ATAD2: variants seen among roughly 807,000 people sequenced by gnomAD.
ATAD2 encodes the protein ATPase family AAA domain containing 2, also known as ATPase family AAA domain-containing protein 2.
Under a neutral mutation model 168.9 loss-of-function variants are expected in ATAD2, and 62 were observed. The observed-to-expected ratio is 0.37, with a 90% CI of 0.30 to 0.45. The LOEUF is 0.45. Among genes scored for constraint, ATAD2 ranks in the 20% least tolerant of loss-of-function variants. The pLI, the probability that ATAD2 is intolerant of heterozygous loss-of-function variation, is 1.00. For synonymous variants in ATAD2, 613 were observed against 571.6 expected (o/e 1.07, Z -1.03); for missense variants, 1,419 against 1,667.8 (o/e 0.85, Z 2.60).
intron 1 of ATAD2, among the ~76,000 whole-genome samples, chr8:123,404,563 CTCTTT>C (rs1475529649): frequency 8.7e-5 from 13 of 149,040 alleles, no homozygotes; most frequent in African/African-American, 3.3e-4. Flanking sequence ...CACTTTCTCT[CTCTTT>C]TTTTTTTTTT....
chr8:123,410,939 C>G (rs1443010639), intron 1 of ATAD2, among the ~76,000 whole-genome samples: 1 of 152,220 alleles, frequency 6.6e-6, no homozygotes, highest in Non-Finnish European at 1.5e-5. Flanking sequence ...CCTAATCGAG[C>G]TGAACACTAG....
rs373445320 is a variant in ATAD2 at position 123,333,862 on chromosome 8, C to G, written c.3478+16G>C. 157 of 1,573,634 alleles carry G rather than the reference C, an allele frequency of 1.0e-4. No individual in the cohort carries two copies. The highest frequency in any genetic ancestry group is 1.3e-4 in the Non-Finnish European group (153 of 1,160,322). ...AAAGTTATAATTTCATAAATGAAAA[C>G]TACTTGAGTACTTACCAGGAGTGCT... is the stretch of plus-strand genomic sequence containing the variant. On this transcript the variant is annotated intron_variant, in intron 24 of 27. Coordinates refer to ENST00000287394, the MANE Select transcript of ATAD2 (RefSeq NM_014109.4).
rs187195865 is a variant in ATAD2, at chr8:123,377,085, C to G, written c.320+3444G>C. ...CAGCCTGGGCAAAAAGAGTGAGACT[C>G]CGTCTCAAAAAAAAAAAAAAAAAAA... On this transcript the variant is annotated intron_variant, in intron 2 of 27. Transcript: ENST00000287394. 9.1e-4 allele frequency among the ~76,000 whole-genome samples: 3 copies of G among 3,306 alleles called. No individual in the cohort carries two copies. In the East Asian group the frequency reaches 0.06, roughly 66 times the overall value. The allele number at this position is 3,306 out of a possible 152,430, so 2.2% of individuals were successfully genotyped here.
chr8:123,382,276 G>T (rs1829514129), intron 1 of ATAD2, among the ~76,000 whole-genome samples: 1 of 152,052 alleles, frequency 6.6e-6, no homozygotes, highest in Non-Finnish European at 1.5e-5. Flanking sequence ...CAAAATATTT[G>T]GTTGGTTCAC....
intron 1 of ATAD2, among the ~76,000 whole-genome samples, chr8:123,393,601 G>T (rs1700511283): frequency 6.6e-6 from 1 of 152,040 alleles, no homozygotes; most frequent in Admixed American, 6.6e-5. Flanking sequence ...CGGGAAGGAG[G>T]CCAATCAAGA....
intron 10 of ATAD2, 50 bp downstream of exon 10, chr8:123,359,527 A>T: frequency 6.7e-7 from 1 of 1,502,760 alleles, no homozygotes; most frequent in South Asian, 1.2e-5. Context: ...TTTAAAACTA[A>T]AACAAAGCAC....
intron 2 of ATAD2, among the ~76,000 whole-genome samples, chr8:123,376,330 T>C (rs1829307460): frequency 6.6e-6 from 1 of 151,636 alleles, no homozygotes; most frequent in Non-Finnish European, 1.5e-5. Context: ...CTCTTGGACC[T>C]GGGAGGCAGA....
At chr8:123,354,864 A>AAAAAAAAAATATATATAT (rs1554644338) in intron 13 of ATAD2, among the ~76,000 whole-genome samples, 2 of 64,708 alleles carry the variant, frequency 3.1e-5, no homozygotes, top group African/African-American at 1.7e-4. Flanking sequence ...AAAAAAAAAA[A>AAAAAAAAAATATATATAT]ATATATATAT....
intron 1 of ATAD2, among the ~76,000 whole-genome samples, chr8:123,385,356 G>A (rs986870814): frequency 4.6e-5 from 7 of 152,184 alleles, no homozygotes; most frequent in African/African-American, 1.4e-4. Context: ...GTTTGCTCAT[G>A]TTATTATTTT....
chr8:123,413,224 GC>G (rs34824091), intron 1 of ATAD2, among the ~76,000 whole-genome samples: 15,094 of 129,298 alleles, frequency 0.12, 1,015 homozygotes, highest in Middle Eastern at 0.2. Context: ...TCTAATGAGC[GC>G]CCCCCCCCCC....
At chr8:123,362,777 A>G (rs1233809265) in intron 8 of ATAD2, among the ~76,000 whole-genome samples, 1 of 152,162 alleles carries the variant, frequency 6.6e-6, no homozygotes, top group Non-Finnish European at 1.5e-5. Context: ...GGGCATCAAG[A>G]AAGACTTTTT....
rs139466774 is a variant in ATAD2, at chr8:123,346,503, GTTTAA to G, written c.2345+110_2345+114del. 6.0e-3 allele frequency: 6,874 copies of G among 1,137,254 alleles called. 292 individuals are homozygous for G. In the African/African-American group the frequency reaches 0.098, roughly 16 times the overall value. 70.4% of individuals were successfully genotyped at this position (1,137,254 alleles called of 1,614,324 possible). A position where few individuals can be genotyped will look rare whatever the true frequency, so the allele number is the denominator to read the frequency against. ...CTGTAACAACAAAAAATTTCTGGTAGTTTAATTTAAATAAAAAGCAGATTGGTTAG... is the reference window on the plus strand; with the variant it reads ...CTGTAACAACAAAAAATTTCTGGTAGTTTAAATAAAAAGCAGATTGGTTAG... On this transcript the variant is annotated intron_variant, in intron 17 of 27. Coordinates refer to ENST00000287394, the MANE Select transcript of ATAD2 (RefSeq NM_014109.4).
intron 22 of ATAD2, among the ~76,000 whole-genome samples, chr8:123,335,102 C>G (rs1389387816): frequency 6.6e-6 from 1 of 152,124 alleles, no homozygotes; most frequent in Non-Finnish European, 1.5e-5. Flanking sequence ...GTCCAGTGAT[C>G]CATATTTTAT....
chr8:123,344,801 T>C, intron 19 of ATAD2, 83 bp downstream of exon 19: 3 of 1,445,224 alleles, frequency 2.1e-6, no homozygotes, highest in Middle Eastern at 1.8e-4. Flanking sequence ...TCTACAGCAT[T>C]TGAATTTTTT....
At chr8:123,351,847 G>A (rs1357399442) in intron 13 of ATAD2, among the ~76,000 whole-genome samples, 2 of 151,196 alleles carry the variant, frequency 1.3e-5, no homozygotes, top group South Asian at 2.1e-4. Context: ...TCCCGGGTTC[G>A]TGCCATTCTA....
intron 8 of ATAD2, among the ~76,000 whole-genome samples, chr8:123,368,479 T>C (rs1014123728): frequency 3.9e-5 from 6 of 152,134 alleles, no homozygotes; most frequent in African/African-American, 1.4e-4. Context: ...TCTTTGGACT[T>C]AAATTTGACC....
chr8:123,396,375 C>T lies in ATAD2; in HGVS notation c.-18G>A. 1.3e-6 allele frequency: 2 copies of T among 1,553,478 alleles called. No individual in the cohort carries two copies. The highest frequency in any genetic ancestry group is 1.9e-4 in the Middle Eastern group (1 of 5,244). On this transcript the variant is annotated 5_prime_UTR_variant, in exon 1 of 28. Transcript: ENST00000287394. Reference sequence around the variant, plus strand: ...ACCACCATCTTCTCTCCCTACTGGCCTCGGCGTGCGCGACCGGAGAGAGAT... The same window carrying T: ...ACCACCATCTTCTCTCCCTACTGGCTTCGGCGTGCGCGACCGGAGAGAGAT...
At chr8:123,406,614 C>CA (rs1813070832) in intron 1 of ATAD2, among the ~76,000 whole-genome samples, 1 of 151,428 alleles carries the variant, frequency 6.6e-6, no homozygotes, top group Non-Finnish European at 1.5e-5. Context: ...GCCAGAGATT[C>CA]AAGACCAGCC....
Position 123,339,342 on chromosome 8 carries a change from A to G in ATAD2, c.2823T>C (p.Ala941=), listed in dbSNP as rs1289099696. 1.3e-6 allele frequency: 2 copies of G among 1,594,574 alleles called. No individual in the cohort carries two copies. The highest frequency in any genetic ancestry group is 2.3e-5 in the South Asian group (2 of 88,818). Residue 941 remains alanine, a synonymous_variant, in exon 20 of 28, where the codon GCT becomes GCC. Transcript: ENST00000287394. ...TCTTTTTTGATATAGGAGGCTTAGC[A>G]GCTTGTTTTAGAATTAAATCTTCAA... is the stretch of plus-strand genomic sequence containing the variant. ...KFFEDLILKQ[A]AKPPISKKKA...
Sources: gnomAD v4.1 joint callset for allele counts (sites outside exome capture counted in the v4.1 genomes callset) on GRCh38, gnomAD v4.1.1 for gene constraint, MANE v1.5 for transcripts, NCBI Gene and HGNC (gene_info 2026-07-23, HGNC 2026-07-21) for gene names.